The following PARD6G variants were observed in gnomAD, a reference collection of about 807,000 sequenced individuals.
The protein encoded by PARD6G is par-6 family cell polarity regulator gamma.
PARD6G carries 7 observed loss-of-function variants against 10.7 expected under a neutral mutation model. The ratio of observed to expected loss-of-function variants is 0.66; its 90% CI spans 0.37 to 1.23. The LOEUF (loss-of-function observed/expected upper bound fraction) is 1.23, where lower values mean the gene tolerates loss of function less well. PARD6G is among the 50% of genes most tolerant of loss of function. The probability of loss-of-function intolerance (pLI) is 0.02; values close to 1 mark genes in which losing one functional copy is unlikely to be tolerated. For synonymous variants in PARD6G, 287 were observed against 269.4 expected, an observed-to-expected ratio of 1.07 and a Z score of -0.64; for missense variants, 548 against 571.8, an observed-to-expected ratio of 0.96 and a Z score of 0.42.
chr18:80,237,806 C>T (rs1967441852), intron 1 of PARD6G, among the ~76,000 whole-genome samples: 1 of 152,194 alleles, frequency 6.6e-6, no homozygotes, highest in Admixed American at 6.5e-5. Flanking sequence ...GATACCATCT[C>T]ACACCAGTTA....
chr18:80,197,120 T>C (rs1232357334), intron 2 of PARD6G, among the ~76,000 whole-genome samples: 1 of 152,112 alleles, frequency 6.6e-6, no homozygotes, highest in East Asian at 1.9e-4. Context: ...CTAGGCGGTG[T>C]CCGAGGAAAG....
chr18:80,202,082 A>G (rs919757004), intron 2 of PARD6G: 1 of 152,216 alleles, frequency 6.6e-6, no homozygotes, highest in African/African-American at 2.4e-5. Flanking sequence ...TCCCAATATC[A>G]AGCCTCACCT....
chr18:80,229,643 C>T (rs1967336217), intron 1 of PARD6G, among the ~76,000 whole-genome samples: 2 of 152,194 alleles, frequency 1.3e-5, no homozygotes, highest in Non-Finnish European at 2.9e-5. Flanking sequence ...GACCTGTCTT[C>T]GTGTAGCTGA....
Position 80,224,901 on chromosome 18 carries a change from G to A in PARD6G, c.73-21969C>T, listed in dbSNP as rs1227757948. Reference sequence around the variant, plus strand: ...CCTGCACTGAAGGCTCAGAGAGGGTGAAAGACTTGCCCAAAAGCTACAGAG... The same window carrying A: ...CCTGCACTGAAGGCTCAGAGAGGGTAAAAGACTTGCCCAAAAGCTACAGAG... On this transcript the variant is annotated intron_variant, in intron 1 of 2. Coordinates refer to ENST00000353265, the MANE Select transcript of PARD6G (RefSeq NM_032510.4). 2.6e-5 allele frequency among the ~76,000 whole-genome samples: 4 copies of A among 152,146 alleles called. No homozygotes were observed. In the East Asian group the frequency reaches 7.7e-4, roughly 29 times the overall value.
rs186327803 is a variant in PARD6G at position 80,244,789 on chromosome 18, G to A, written c.72+2488C>T. 2.6e-5 allele frequency among the ~76,000 whole-genome samples: 4 copies of A among 152,268 alleles called. No homozygotes were observed. The East Asian group carries it at 5.8e-4, about 22-fold the overall frequency. ...CATGGTGTTATGGTGCTACATTGAG[G>A]TTGTCATAAGGCTTTGCTGTTATTT... On this transcript the variant is annotated intron_variant, in intron 1 of 2. Transcript: ENST00000353265.
rs2052863310 is a variant in PARD6G at position 80,184,492 on chromosome 18, G to GGTGAAACCCGCAGAGGGAGCAAGGCC, written c.295+18192_295+18217dup. On this transcript the variant is annotated intron_variant, in intron 2 of 2. Transcript: ENST00000353265. The surrounding 1 kb of genome is among the most constrained non-coding windows in gnomAD (Gnocchi z 4.5). ...GTGAAACCTGCAGCGGGAGCAAGGC[G>GGTGAAACCCGCAGAGGGAGCAAGGCC]GTGAAACCCGCAGAGGGAGCAAGGC... 1 of 150,752 alleles carries GGTGAAACCCGCAGAGGGAGCAAGGCC rather than the reference G, an allele frequency of 6.6e-6. No homozygotes were observed. Among genetic ancestry groups the GGTGAAACCCGCAGAGGGAGCAAGGCC allele is most frequent in the African/African-American group, 2.4e-5 (1 of 41,028 alleles). 9.3% of individuals were successfully genotyped at this position (150,752 alleles called of 1,614,324 possible).
intron 2 of PARD6G, among the ~76,000 whole-genome samples, chr18:80,194,541 C>G (rs184215692): frequency 1.3e-5 from 2 of 152,048 alleles, no homozygotes; most frequent in Admixed American, 6.6e-5. Flanking sequence ...TCTAAATGTT[C>G]TCAGGCAGAG....
In PARD6G at chr18:80,203,036, T is replaced by G. The variant is rs1051054491; in HGVS notation, c.73-104A>C. 2.2e-5 allele frequency: 16 copies of G among 730,952 alleles called. No individual in the cohort carries two copies. In the African/African-American group the frequency reaches 2.8e-4, roughly 13 times the overall value. 45.3% of individuals were successfully genotyped at this position (730,952 alleles called of 1,614,324 possible). Reference sequence around the variant, plus strand: ...GTACTTAACAAACAAGTATTTACATTCCACATTTTCTTTAATCAATCATCC... The same window carrying G: ...GTACTTAACAAACAAGTATTTACATGCCACATTTTCTTTAATCAATCATCC... On this transcript the variant is annotated intron_variant, in intron 1 of 2. Transcript: ENST00000353265.
At chr18:80,168,848 TG>T (rs2052754656) in intron 2 of PARD6G, 1 of 169,288 alleles carries the variant, frequency 5.9e-6, no homozygotes, top group African/African-American at 2.4e-5. Flanking sequence ...AATTGAAGTC[TG>T]GTCCTATGAA....
At chr18:80,235,921 T>C (rs1207671788) in intron 1 of PARD6G, among the ~76,000 whole-genome samples, 2 of 151,972 alleles carry the variant, frequency 1.3e-5, no homozygotes, top group African/African-American at 2.4e-5. Context: ...CTACCAGAGG[T>C]ACAAGGAGGA....
intron 1 of PARD6G, among the ~76,000 whole-genome samples, chr18:80,211,266 T>C (rs540767198): frequency 6.6e-6 from 1 of 152,366 alleles, no homozygotes; most frequent in South Asian, 2.1e-4. Context: ...TACTTGAAGA[T>C]TGCTGCACTA....
chr18:80,186,270 G>A (rs1184641490), intron 2 of PARD6G, among the ~76,000 whole-genome samples: 2 of 115,652 alleles, frequency 1.7e-5, no homozygotes, highest in Non-Finnish European at 3.5e-5. Context: ...ACCCACACAT[G>A]CATACACCCT....
intron 1 of PARD6G, among the ~76,000 whole-genome samples, chr18:80,209,653 A>T (rs554152576): frequency 1.4e-4 from 22 of 152,234 alleles, no homozygotes; most frequent in African/African-American, 5.3e-4. Context: ...TCTACAGAAA[A>T]GTACAAAAAT....
chr18:80,229,615 A>G (rs1967335881), intron 1 of PARD6G, among the ~76,000 whole-genome samples: 17 of 152,252 alleles, frequency 1.1e-4, no homozygotes, highest in Admixed American at 1.1e-3. Context: ...TCATGTGCAC[A>G]TTAAAGGTTG....
Position 80,179,859 on chromosome 18 carries a change from C to T in PARD6G, c.296-19253G>A, listed in dbSNP as rs374350390. Among the ~76,000 whole-genome samples the T allele has an allele frequency of 3.9e-5, 6 of 152,346 alleles. No individual in the cohort carries two copies. The East Asian group carries it at 5.8e-4, about 15-fold the overall frequency. ...GGTTTGGGTAATGCAAAATCCAAAACGATCCTGAAGTTTATATTTTGGTTA... is the reference window on the plus strand; with the variant it reads ...GGTTTGGGTAATGCAAAATCCAAAATGATCCTGAAGTTTATATTTTGGTTA... On this transcript the variant is annotated intron_variant, in intron 2 of 2. Transcript: ENST00000353265.
chr18:80,219,084 C>T (rs981305289), intron 1 of PARD6G, among the ~76,000 whole-genome samples: 20 of 152,218 alleles, frequency 1.3e-4, no homozygotes, highest in South Asian at 1.2e-3. Flanking sequence ...AGGGGGCTGC[C>T]GTGAAGACCT....
chr18:80,187,959 C>G (rs943531582), intron 2 of PARD6G: 1 of 152,220 alleles, frequency 6.6e-6, no homozygotes, highest in Admixed American at 6.5e-5. Flanking sequence ...ATCTGTGTAT[C>G]TAAATACTTC....
At chr18:80,232,892 G>A (rs905796209) in intron 1 of PARD6G, among the ~76,000 whole-genome samples, 1 of 152,182 alleles carries the variant, frequency 6.6e-6, no homozygotes, top group Non-Finnish European at 1.5e-5. Flanking sequence ...CACATCCCTG[G>A]GGAACTGCTA....
intron 1 of PARD6G, among the ~76,000 whole-genome samples, chr18:80,216,968 A>G (rs943996870): frequency 6.6e-6 from 1 of 152,198 alleles, no homozygotes; most frequent in African/African-American, 2.4e-5. Flanking sequence ...TAAACATTCT[A>G]GTAGCAATGA....
Sources: allele counts gnomAD v4.1 joint callset (sites outside exome capture counted in the v4.1 genomes callset), GRCh38; gene constraint gnomAD v4.1.1; non-coding constraint Gnocchi (gnomAD v3.1); transcripts MANE v1.5; gene names NCBI Gene and HGNC (gene_info 2026-07-23, HGNC 2026-07-21).